Variants in DENND1A observed in about 807,000 individuals in gnomAD.
DENND1A encodes DENN domain containing 1A, also known as DENN domain-containing protein 1A.
In DENND1A, 51 loss-of-function variants were observed where a neutral mutation model predicts 113.7. The observed-to-expected ratio is 0.45, with a 90% CI of 0.36 to 0.57. DENND1A has a LOEUF of 0.57. Ranked by LOEUF, DENND1A falls within the 20% of genes least tolerant of loss-of-function variation. The pLI is 0.00. For missense variants in DENND1A, 1,258 were observed against 1,395.9 expected (o/e 0.90, Z 1.57); for synonymous variants, 565 against 570.8 (o/e 0.99, Z 0.14).
chr9:123,866,093 C>G (rs1845768009), intron 2 of DENND1A, among the ~76,000 whole-genome samples: 1 of 152,098 alleles, frequency 6.6e-6, no homozygotes, highest in South Asian at 2.1e-4. Flanking sequence ...CCTAACAAAC[C>G]AATGGAAAAT....
intron 19 of DENND1A, among the ~76,000 whole-genome samples, chr9:123,428,965 C>T (rs914446852): frequency 6.6e-6 from 1 of 152,162 alleles, no homozygotes. Context: ...GCCATACTAC[C>T]CAAAGTACTT....
intron 8 of DENND1A, among the ~76,000 whole-genome samples, chr9:123,663,768 C>T (rs140181872): frequency 1.1e-3 from 174 of 151,668 alleles, no homozygotes; most frequent in African/African-American, 4.2e-3. Context: ...AAATGTTCAG[C>T]GTACATTGTT....
chr9:123,888,569 G>A (rs1178243087), intron 1 of DENND1A, among the ~76,000 whole-genome samples: 1 of 152,176 alleles, frequency 6.6e-6, no homozygotes, highest in East Asian at 1.9e-4. Flanking sequence ...CATCACTGCT[G>A]CGATATTCCT....
intron 5 of DENND1A, among the ~76,000 whole-genome samples, chr9:123,722,074 C>A (rs541349556): frequency 2.4e-4 from 36 of 152,146 alleles, no homozygotes; most frequent in Non-Finnish European, 4.9e-4. Flanking sequence ...ATGATATGAA[C>A]AATAAGGTCC....
chr9:123,419,990 G>T (rs181079885), intron 19 of DENND1A, among the ~76,000 whole-genome samples: 1 of 152,224 alleles, frequency 6.6e-6, no homozygotes, highest in Non-Finnish European at 1.5e-5. Context: ...GCCACTCAGC[G>T]GGGCACCCAG....
At chr9:123,713,583 G>A (rs763445063) in intron 5 of DENND1A, among the ~76,000 whole-genome samples, 1 of 151,980 alleles carries the variant, frequency 6.6e-6, no homozygotes, top group Non-Finnish European at 1.5e-5. Flanking sequence ...ACGGGACTTT[G>A]GGCTTTTCAT....
intron 9 of DENND1A, among the ~76,000 whole-genome samples, chr9:123,635,860 C>CTTCTGCTAACT (rs1436263647): frequency 6.6e-6 from 1 of 152,164 alleles, no homozygotes; most frequent in African/African-American, 2.4e-5. Context: ...TGCTCCGAGT[C>CTTCTGCTAACT]TTCTGCTAAC....
Position 123,756,981 on chromosome 9 carries a change from A to G in DENND1A, c.302+722T>C, listed in dbSNP as rs182025758. ...GGCCCCTCTGACACCTACTTAACCAAGGCAGATGGAGAGGGGAGCATGGGG... is the reference window on the plus strand; with the variant it reads ...GGCCCCTCTGACACCTACTTAACCAGGGCAGATGGAGAGGGGAGCATGGGG... On this transcript the variant is annotated intron_variant, in intron 5 of 23. Coordinates refer to ENST00000394215, the MANE Select transcript of DENND1A (RefSeq NM_001352964.2). Among the ~76,000 whole-genome samples, 350 of 152,296 alleles carry G rather than the reference A, an allele frequency of 2.3e-3. 1 individual carries two copies. The highest frequency in any genetic ancestry group is 8.1e-3 in the African/African-American group (335 of 41,566).
At chr9:123,639,790 A>AC (rs1045096241) in intron 9 of DENND1A, among the ~76,000 whole-genome samples, 2 of 151,928 alleles carry the variant, frequency 1.3e-5, no homozygotes, top group African/African-American at 4.8e-5. Flanking sequence ...AAAAAAAAAA[A>AC]AAAAAAACAA....
intron 12 of DENND1A, among the ~76,000 whole-genome samples, chr9:123,577,938 C>G (rs1227996641): frequency 6.6e-6 from 1 of 152,126 alleles, no homozygotes. Context: ...TTATCATTGT[C>G]CTGAATGACC....
intron 4 of DENND1A, among the ~76,000 whole-genome samples, chr9:123,768,259 G>A (rs1326319373): frequency 2.0e-5 from 3 of 152,254 alleles, no homozygotes; most frequent in Non-Finnish European, 1.5e-5. Context: ...TTAGAACCAG[G>A]GAGAGCAGTG....
chr9:123,763,125 A>G (rs1375036578), intron 4 of DENND1A, among the ~76,000 whole-genome samples: 1 of 151,942 alleles, frequency 6.6e-6, no homozygotes, highest in African/African-American at 2.4e-5. Flanking sequence ...AATGCCACTG[A>G]ATGATTTTGA....
At chr9:123,887,854 A>G (rs1849322500) in intron 1 of DENND1A, among the ~76,000 whole-genome samples, 1 of 152,244 alleles carries the variant, frequency 6.6e-6, no homozygotes, top group South Asian at 2.1e-4. Context: ...TTACAGTTGA[A>G]GTTAACAGAA....
chr9:123,838,582 G>A (rs1841384124), intron 2 of DENND1A, among the ~76,000 whole-genome samples: 1 of 152,146 alleles, frequency 6.6e-6, no homozygotes, highest in East Asian at 1.9e-4. Context: ...AGAATCATTA[G>A]TAACAATAGA....
chr9:123,734,842 T>A (rs1161315358), intron 5 of DENND1A, among the ~76,000 whole-genome samples: 1 of 152,156 alleles, frequency 6.6e-6, no homozygotes. Flanking sequence ...GAAAATAATT[T>A]TTTTTATTTT....
chr9:123,640,306 C>T (rs2061959413), intron 9 of DENND1A, among the ~76,000 whole-genome samples: 2 of 152,306 alleles, frequency 1.3e-5, no homozygotes, highest in Admixed American at 6.5e-5. Flanking sequence ...GAGACAGAGA[C>T]ATCAGAGCCC....
intron 11 of DENND1A, among the ~76,000 whole-genome samples, chr9:123,592,795 G>A (rs1174792633): frequency 1.3e-5 from 2 of 152,094 alleles, no homozygotes; most frequent in Non-Finnish European, 2.9e-5. Flanking sequence ...GCATGCCACT[G>A]TGCCCAGCTT....
At chr9:123,605,611 A>G (rs1180975521) in intron 11 of DENND1A, among the ~76,000 whole-genome samples, 8 of 152,208 alleles carry the variant, frequency 5.3e-5, no homozygotes, top group African/African-American at 1.9e-4. Context: ...GCAGAAGGAG[A>G]GAGAAGAATG....
chr9:123,860,955 T>C (rs1844974535), intron 2 of DENND1A, among the ~76,000 whole-genome samples: 1 of 152,212 alleles, frequency 6.6e-6, no homozygotes, highest in Non-Finnish European at 1.5e-5. Context: ...AAGGCTGCAA[T>C]TAATTTATGA....
Sources: allele counts gnomAD v4.1 joint callset (sites outside exome capture counted in the v4.1 genomes callset), GRCh38; gene constraint gnomAD v4.1.1; transcripts MANE v1.5; gene names NCBI Gene and HGNC (gene_info 2026-07-23, HGNC 2026-07-21).